The following TCOF1 variants were observed in gnomAD, a reference collection of about 807,000 sequenced individuals.
TCOF1 encodes treacle ribosome biogenesis factor 1, also known as treacle protein.
In TCOF1, 33 loss-of-function variants were observed where a neutral mutation model predicts 149.0. That is an observed-to-expected ratio of 0.22 (90% CI 0.17 to 0.30). The LOEUF is 0.30. TCOF1 is among the 10% of genes least tolerant of loss of function. TCOF1 has a pLI of 1.00. For synonymous variants in TCOF1, 789 were observed against 738.8 expected (o/e 1.07, Z -1.10); for missense variants, 1,728 against 1,840.7 (o/e 0.94, Z 1.12).
chr5:150,376,377 G>A, intron 13 of TCOF1, 46 bp from the exon 14 acceptor site: 1 of 1,614,134 alleles, frequency 6.2e-7, no homozygotes, highest in Non-Finnish European at 8.5e-7. Context: ...CCCCTACGTG[G>A]TCCTTTGGAC....
intron 5 of TCOF1, 135 bp from the exon 6 acceptor site, chr5:150,369,394 G>T: frequency 1.0e-6 from 1 of 957,328 alleles, no homozygotes; most frequent in Non-Finnish European, 1.7e-6. Context: ...TCACAGCTCA[G>T]TGCATGTGAG....
chr5:150,384,763 A>G, intron 17 of TCOF1: 1 of 985,494 alleles, frequency 1.0e-6, no homozygotes, highest in African/African-American at 1.7e-5. Context: ...GGGAAGCTGC[A>G]GCCTCTTCCT....
intron 6 of TCOF1, among the ~76,000 whole-genome samples, chr5:150,369,920 G>A (rs1008416869): frequency 1.3e-5 from 2 of 152,170 alleles, no homozygotes; most frequent in Non-Finnish European, 2.9e-5. Context: ...GGATGTGGAG[G>A]AGGCAGGGCA....
chr5:150,385,089 CTT>C, intron 17 of TCOF1: 1 of 984,142 alleles, frequency 1.0e-6, no homozygotes, highest in African/African-American at 1.7e-5. Flanking sequence ...TGTTAAATAA[CTT>C]AATTTAGCTA....
At chr5:150,363,728 G>A (rs919799933) in intron 2 of TCOF1, among the ~76,000 whole-genome samples, 5 of 152,158 alleles carry the variant, frequency 3.3e-5, no homozygotes, top group African/African-American at 1.2e-4. Flanking sequence ...AGTTGAGACG[G>A]GAAGGACGAG....
intron 17 of TCOF1, among the ~76,000 whole-genome samples, chr5:150,382,272 G>A (rs1765384277): frequency 6.6e-6 from 1 of 152,228 alleles, no homozygotes; most frequent in African/African-American, 2.4e-5. Context: ...TGACTGGCTG[G>A]GAGGAGGGCC....
At chr5:150,379,151 A>G (rs1384803567) in intron 15 of TCOF1, 78 bp from the exon 16 acceptor site, 1 of 1,613,912 alleles carries the variant, frequency 6.2e-7, no homozygotes, top group Non-Finnish European at 8.5e-7. Flanking sequence ...CCACCCACCC[A>G]GAGTTGTGCC....
At position 150,368,782 on chromosome 5, in the gene TCOF1, G is replaced by A; in HGVS notation, c.445G>A (p.Ala149Thr). 1 of 1,614,094 alleles carries A rather than the reference G, an allele frequency of 6.2e-7. No homozygotes were observed. Among genetic ancestry groups the A allele is most frequent in the Non-Finnish European group, 8.5e-7 (1 of 1,180,036 alleles). Residue 149 changes from alanine to threonine, a missense_variant, in exon 5 of 27, where the codon GCC becomes ACC. By Grantham distance (58) the Ala-to-Thr change is moderately conservative (BLOSUM62 0). This residue lies in a region of TCOF1 where 1,696 missense variants were observed against 1,765.4 expected (regional missense o/e 0.96). Transcript: ENST00000643257. ...MPHPATGKTV[A>T]NLLSGKSPRK... ...ACACCCTGCCACTGGGAAGACGGTG[G>A]CCAACCTTCTTTCTGGGAAGTCTCC...
At position 150,396,608 on chromosome 5, in the gene TCOF1, G is replaced by A. The variant is rs1360478378; in HGVS notation, c.4111G>A (p.Gly1371Arg). 14 of 1,587,862 alleles carry A rather than the reference G, an allele frequency of 8.8e-6. No homozygotes were observed. The highest frequency in any genetic ancestry group is 1.7e-4 in the Middle Eastern group (1 of 5,772). ...RSKKKKKLGAGEGGEASVSPE... is the reference protein window; with the variant it reads ...RSKKKKKLGAREGGEASVSPE... ...CAAGAAGAAGAAGAAGCTGGGGGCC[G>A]GGGAAGGTGGGGAGGCCTCTGTTTC... is the stretch of plus-strand genomic sequence containing the variant. The change falls in exon 24 of 27, where the codon GGG becomes AGG. Residue 1371 changes from glycine (G) to arginine (R), a missense_variant. By Grantham distance (125) the Gly-to-Arg change is moderately radical (BLOSUM62 -2). This residue lies in a region of TCOF1 where 1,696 missense variants were observed against 1,765.4 expected (regional missense o/e 0.96). Transcript: ENST00000643257.
intron 23 of TCOF1, 186 bp downstream of exon 23, chr5:150,393,738 G>C (rs779420826): frequency 1.0e-5 from 8 of 772,548 alleles, no homozygotes; most frequent in Non-Finnish European, 1.7e-5. Flanking sequence ...GTGGGGCCAG[G>C]TGCAGTGGCT....
Position 150,371,376 on chromosome 5 carries a change from G to C in TCOF1, c.640-630G>C, listed in dbSNP as rs576272411. 2.6e-5 allele frequency among the ~76,000 whole-genome samples: 4 copies of C among 152,304 alleles called. No individual in the cohort carries two copies. In the South Asian group the frequency reaches 8.3e-4, roughly 32 times the overall value. On this transcript the variant is annotated intron_variant, in intron 6 of 26. Transcript: ENST00000643257. ...GCCAAAGGGAAGAAGACCACTCCCA[G>C]CCCTCCATAAACACACAACCTCAAT...
chr5:150,375,432 AAGGTGGGGCCTGCAACCCCCTCAGCCC>A lies in TCOF1; in HGVS notation c.1591_1617del (p.Pro531_Gly539del). 6.2e-7 allele frequency: 1 copy of A among 1,613,532 alleles called. No individual in the cohort carries two copies. Among genetic ancestry groups the A allele is most frequent in the Admixed American group, 1.7e-5 (1 of 60,014 alleles). On this transcript the variant is annotated inframe_deletion, in exon 11 of 27. Transcript: ENST00000643257. The stretch of plus-strand genomic sequence containing the variant: ...AGGCGCCGGCCCAGTGCCACCCGGG[AAGGTGGGGCCTGCAACCCCCTCAGCCC>A]AGGTGGGGAAGTGGGAGGAGGACTC...
rs1768521670 is a variant in TCOF1, at chr5:150,396,409, C to G, written c.3912C>G (p.Pro1304=). 3.2e-5 allele frequency: 51 copies of G among 1,614,076 alleles called. No homozygotes were observed. Among genetic ancestry groups the G allele is most frequent in the Non-Finnish European group, 4.2e-5 (50 of 1,180,036 alleles). Residue 1304 remains proline (P), a synonymous_variant, in exon 24 of 27, where the codon CCC becomes CCG. Transcript: ENST00000643257. ...TCACCCAGTGCCTCCTGGGCCAACC[C>G]TGGCCCCTGAATGAGGCCCAGGTGC... is the stretch of plus-strand genomic sequence containing the variant. ...SNITQCLLGQ[P]WPLNEAQVQA... is the part of the protein sequence containing the mutation.
intron 23 of TCOF1, among the ~76,000 whole-genome samples, chr5:150,395,551 A>G (rs1768298379): frequency 6.7e-6 from 1 of 148,832 alleles, no homozygotes; most frequent in South Asian, 2.1e-4. Context: ...TTTTTTTTTT[A>G]CACGTGTAGT....
intron 25 of TCOF1, 83 bp downstream of exon 25, chr5:150,398,534 C>G: frequency 1.3e-6 from 2 of 1,596,994 alleles, no homozygotes; most frequent in Non-Finnish European, 1.7e-6. Flanking sequence ...TGGTTCCTGC[C>G]CCCTTCCCAT....
At chr5:150,375,690 C>T in intron 11 of TCOF1, 31 bp from the exon 12 acceptor site, 2 of 1,614,154 alleles carry the variant, frequency 1.2e-6, no homozygotes, top group Non-Finnish European at 1.7e-6. Flanking sequence ...ACCCTGGGCT[C>T]CCTCTCCCGA....
chr5:150,396,637 A>G lies in TCOF1; in HGVS notation c.4140A>G (p.Pro1380=), dbSNP rs1224263768. ...AGEGGEASVS[P]EKTSTTSKGK... is the part of the protein sequence containing the mutation. ...AAGGTGGGGAGGCCTCTGTTTCCCCAGAAAAGACCTCCACGACTTCCAAGG... is the reference window on the plus strand; with the variant it reads ...AAGGTGGGGAGGCCTCTGTTTCCCCGGAAAAGACCTCCACGACTTCCAAGG... The change falls in exon 24 of 27, where the codon CCA becomes CCG. Residue 1380 remains proline (P), a synonymous_variant. Transcript: ENST00000643257. 1.2e-6 allele frequency: 2 copies of G among 1,604,088 alleles called. No homozygotes were observed. The highest frequency in any genetic ancestry group is 1.7e-6 in the Non-Finnish European group (2 of 1,174,872).
At position 150,370,964 on chromosome 5, in the gene TCOF1, G is replaced by C. The variant is rs2150595778; in HGVS notation, c.640-1042G>C. Among the ~76,000 whole-genome samples, 2 of 152,314 alleles carry C rather than the reference G, an allele frequency of 1.3e-5. 1 individual carries two copies. Among genetic ancestry groups the C allele is most frequent in the South Asian group, 4.1e-4 (2 of 4,832 alleles). ...GTGAGAAGCCATGCCAGCAAGGAGA[G>C]ATGGCCTGATTTGCATTTAATAAGA... On this transcript the variant is annotated intron_variant, in intron 6 of 26. Transcript: ENST00000643257.
In TCOF1 at chr5:150,396,726, G is replaced by T. The variant is rs1247926179; in HGVS notation, c.4229G>T (p.Gly1410Val). The T allele has an allele frequency of 6.2e-7, 1 of 1,612,552 alleles. No homozygotes were observed. Among genetic ancestry groups the T allele is most frequent in the South Asian group, 1.1e-5 (1 of 90,896 alleles). Residue 1410 changes from glycine to valine, a missense_variant, in exon 24 of 27, where the codon GGC (glycine) becomes GTC (valine). Gly to Val is a moderately radical substitution (Grantham distance 109). Coordinates refer to ENST00000643257, the MANE Select transcript of TCOF1 (RefSeq NM_001371623.1). ...GAGAAGAAAGGGAAGGGGTCTCTTG[G>T]CTCCCAAGGGGCCAAGGACGAGCCA... ...VKEKKGKGSL[G>V]SQGAKDEPEE... is the part of the protein sequence containing the mutation.
Sources: allele counts gnomAD v4.1 joint callset (sites outside exome capture counted in the v4.1 genomes callset), GRCh38; gene constraint gnomAD v4.1.1; regional missense constraint gnomAD v4.1.1; transcripts MANE v1.5; gene names NCBI Gene and HGNC (gene_info 2026-07-23, HGNC 2026-07-21).